The following SPTBN1 variants were observed in gnomAD, a reference collection of about 807,000 sequenced individuals.
SPTBN1 encodes the protein spectrin beta, non-erythrocytic 1.
Under a neutral mutation model 266.4 loss-of-function variants are expected in SPTBN1, and 32 were observed. That is an observed-to-expected ratio of 0.12 (90% CI 0.09 to 0.16). The LOEUF (loss-of-function observed/expected upper bound fraction) is 0.16, where lower values mean the gene tolerates loss of function less well. SPTBN1 is among the 10% of genes least tolerant of loss of function. The pLI, the probability that SPTBN1 is intolerant of heterozygous loss-of-function variation, is 1.00. For missense variants in SPTBN1, 2,296 were observed against 3,067.1 expected, an observed-to-expected ratio of 0.75 and a Z score of 5.94; for synonymous variants, 1,336 against 1,162.2, an observed-to-expected ratio of 1.15 and a Z score of -3.04.
At chr2:54,538,153 GTTTCA>G (rs1426857482) in intron 2 of SPTBN1, among the ~76,000 whole-genome samples, 3 of 152,220 alleles carry the variant, frequency 2.0e-5, no homozygotes, top group African/African-American at 4.8e-5. Context: ...ATAATGGACA[GTTTCA>G]TTTAAGATTT....
intron 10 of SPTBN1, among the ~76,000 whole-genome samples, chr2:54,624,461 T>G (rs1359678830): frequency 6.6e-6 from 1 of 152,192 alleles, no homozygotes; most frequent in African/African-American, 2.4e-5. Context: ...GAAGAATCAT[T>G]TATCTTTTTT....
intron 2 of SPTBN1, among the ~76,000 whole-genome samples, chr2:54,580,068 G>T (rs1674780273): frequency 6.6e-6 from 1 of 152,168 alleles, no homozygotes; most frequent in African/African-American, 2.4e-5. Flanking sequence ...ATATGAGAGA[G>T]ATTTCCGGGC....
Position 54,599,089 on chromosome 2 carries a change from C to A in SPTBN1, c.149-3C>A. On this transcript the variant is annotated splice_polypyrimidine_tract_variant and splice_region_variant and intron_variant, in intron 2 of 35. Coordinates refer to ENST00000356805, the MANE Select transcript of SPTBN1 (RefSeq NM_003128.3). ...GGTAAAACAAGTTCTTCTCTGCTTG[C>A]AGATGAGCGTGAAGCCGTGCAGAAG... The A allele has an allele frequency of 6.2e-7, 1 of 1,613,822 alleles. No homozygotes were observed. The highest frequency in any genetic ancestry group is 8.5e-7 in the Non-Finnish European group (1 of 1,179,872).
At chr2:54,556,405 G>A (rs982046275) in intron 2 of SPTBN1, among the ~76,000 whole-genome samples, 4 of 152,152 alleles carry the variant, frequency 2.6e-5, no homozygotes, top group Non-Finnish European at 5.9e-5. Context: ...TGTGCAACCT[G>A]GTTAATTAAA....
At chr2:54,536,426 T>C in intron 2 of SPTBN1, among the ~76,000 whole-genome samples, 1 of 152,334 alleles carries the variant, frequency 6.6e-6, no homozygotes. Context: ...GAGAGAAAAT[T>C]GATGCTAGGT....
intron 2 of SPTBN1, among the ~76,000 whole-genome samples, chr2:54,534,529 C>T (rs1166330266): frequency 6.6e-6 from 1 of 152,172 alleles, no homozygotes; most frequent in Non-Finnish European, 1.5e-5. Context: ...CTAGATTATA[C>T]CCTCAATTTA....
At chr2:54,595,312 G>A (rs1466097077) in intron 2 of SPTBN1, among the ~76,000 whole-genome samples, 2 of 152,116 alleles carry the variant, frequency 1.3e-5, no homozygotes, top group Admixed American at 6.6e-5. Context: ...GCGGGAGGGT[G>A]GGGGCAAATA....
intron 2 of SPTBN1, among the ~76,000 whole-genome samples, chr2:54,565,316 G>A (rs1441588134): frequency 2.0e-5 from 3 of 152,152 alleles, no homozygotes; most frequent in Non-Finnish European, 2.9e-5. Flanking sequence ...GAAGAGTTGG[G>A]GGAAAATATG....
intron 2 of SPTBN1, among the ~76,000 whole-genome samples, chr2:54,595,513 G>T (rs1264098715): frequency 6.6e-6 from 1 of 152,250 alleles, no homozygotes; most frequent in Non-Finnish European, 1.5e-5. Context: ...ATGGTGTGAG[G>T]CACAGAAGTG....
intron 2 of SPTBN1, among the ~76,000 whole-genome samples, chr2:54,575,994 A>G (rs949176552): frequency 2.0e-5 from 3 of 148,454 alleles, no homozygotes; most frequent in Non-Finnish European, 3.0e-5. Context: ...TAGCAGGGAT[A>G]GGGAGAGAGG....
rs1680098892 is a variant in SPTBN1, at chr2:54,649,085, G to A, written c.5097G>A (p.Arg1699=). The A allele has an allele frequency of 6.2e-7, 1 of 1,614,218 alleles. No individual in the cohort carries two copies. The change falls in exon 25 of 36, where the codon AGG becomes AGA. Residue 1699 remains arginine (R), a synonymous_variant. Coordinates refer to ENST00000356805, the MANE Select transcript of SPTBN1 (RefSeq NM_003128.3). The surrounding 1 kb of genome is among the most constrained non-coding windows in gnomAD (Gnocchi z 6.7). ...GAGGCAAGCTGGATGAGAGACACAG[G>A]TTATTCCAGCTCAACCGGGAGGTGG... The part of the protein sequence containing the change: ...ERRGKLDERH[R]LFQLNREVDD...
At chr2:54,636,045 C>T (rs1488710568) in intron 17 of SPTBN1, among the ~76,000 whole-genome samples, 1 of 152,200 alleles carries the variant, frequency 6.6e-6, no homozygotes, top group Non-Finnish European at 1.5e-5. Context: ...AAATGTCTGA[C>T]ATTTTCAAGG....
Position 54,558,827 on chromosome 2 carries a change from T to A in SPTBN1, c.148+32261T>A. Reference sequence around the variant, plus strand: ...TATCTCCGGGCCGCTGTCGCCGGCGTACACGGGGCAGGTGCCTTACAACTA... The same window carrying A: ...TATCTCCGGGCCGCTGTCGCCGGCGAACACGGGGCAGGTGCCTTACAACTA... On this transcript the variant is annotated intron_variant, in intron 2 of 35. Coordinates refer to ENST00000356805, the MANE Select transcript of SPTBN1 (RefSeq NM_003128.3). The surrounding 1 kb of genome is among the most constrained non-coding windows in gnomAD (Gnocchi z 4.6). 6.2e-7 allele frequency: 1 copy of A among 1,613,846 alleles called. No homozygotes were observed. The highest frequency in any genetic ancestry group is 1.1e-5 in the South Asian group (1 of 91,054).
In SPTBN1 at chr2:54,550,453, A is replaced by G. The variant is rs190626364; in HGVS notation, c.148+23887A>G. Among the ~76,000 whole-genome samples the G allele has an allele frequency of 1.1e-3, 163 of 152,292 alleles. 1 individual carries two copies. The highest frequency in any genetic ancestry group is 1.6e-4 in the Non-Finnish European group (11 of 68,024). ...TGTTCCATATCTCTGCAACTGGGTA[A>G]TCGGTACCTGTTTTTCAAAGAGCAA... On this transcript the variant is annotated intron_variant, in intron 2 of 35. Transcript: ENST00000356805.
chr2:54,530,974 A>G (rs1228790788), intron 2 of SPTBN1, among the ~76,000 whole-genome samples: 2 of 152,166 alleles, frequency 1.3e-5, no homozygotes, highest in African/African-American at 4.8e-5. Flanking sequence ...AACTTTCAGC[A>G]TCATCCACTC....
At chr2:54,666,275 A>G (rs1220115116) in intron 34 of SPTBN1, among the ~76,000 whole-genome samples, 187 bp downstream of exon 34, 2 of 152,232 alleles carry the variant, frequency 1.3e-5, no homozygotes, top group East Asian at 1.9e-4. Flanking sequence ...AACTGTGGCC[A>G]GCCACCAGCT....
chr2:54,539,562 C>T (rs554352809), intron 2 of SPTBN1, among the ~76,000 whole-genome samples: 3 of 152,120 alleles, frequency 2.0e-5, no homozygotes, highest in South Asian at 2.1e-4. Context: ...TTTGTTGAGA[C>T]AGGGTCTTGC....
intron 1 of SPTBN1, among the ~76,000 whole-genome samples, chr2:54,516,820 C>A (rs1255035148): frequency 6.6e-6 from 1 of 152,200 alleles, no homozygotes; most frequent in East Asian, 1.9e-4. Context: ...GGTCAGGGTA[C>A]AGCTTGCTTT....
chr2:54,480,231 G>C (rs1002104181), intron 1 of SPTBN1, among the ~76,000 whole-genome samples: 5 of 152,210 alleles, frequency 3.3e-5, no homozygotes, highest in East Asian at 1.9e-4. Context: ...TTGAACAGCT[G>C]GCGCTGAGAT....
Sources: allele counts gnomAD v4.1 joint callset (sites outside exome capture counted in the v4.1 genomes callset), GRCh38; gene constraint gnomAD v4.1.1; non-coding constraint Gnocchi (gnomAD v3.1); transcripts MANE v1.5; gene names NCBI Gene and HGNC (gene_info 2026-07-23, HGNC 2026-07-21).